Variants in CREBBP observed in about 807,000 individuals in gnomAD.
CREBBP encodes the protein CREB binding lysine acetyltransferase.
Under a neutral mutation model 265.0 loss-of-function variants are expected in CREBBP, and 19 were observed. That is an observed-to-expected ratio of 0.07 (90% CI 0.05 to 0.11). CREBBP has a LOEUF of 0.11. Among genes scored for constraint, CREBBP ranks in the 10% least tolerant of loss-of-function variants. The probability of loss-of-function intolerance (pLI) is 1.00; values close to 1 mark genes in which losing one functional copy is unlikely to be tolerated. For missense variants in CREBBP, 2,525 were observed against 3,219.0 expected (o/e 0.78, Z 5.22); for synonymous variants, 1,457 against 1,223.7 (o/e 1.19, Z -3.98).
At chr16:3,791,680 G>A (rs923758526) in intron 5 of CREBBP, among the ~76,000 whole-genome samples, 1 of 152,144 alleles carries the variant, frequency 6.6e-6, no homozygotes, top group African/African-American at 2.4e-5. Context: ...CCATGTCTTC[G>A]TGTTGGCTCA....
intron 3 of CREBBP, among the ~76,000 whole-genome samples, chr16:3,794,216 C>T (rs1370372343): frequency 6.6e-6 from 1 of 151,646 alleles, no homozygotes; most frequent in African/African-American, 2.4e-5. Flanking sequence ...CCTGTAGTCC[C>T]ACCTACTCGG....
intron 1 of CREBBP, among the ~76,000 whole-genome samples, chr16:3,859,739 G>C (rs1027900534): frequency 4.6e-5 from 7 of 152,208 alleles, no homozygotes; most frequent in African/African-American, 1.7e-4. Flanking sequence ...ACAGGGTTCA[G>C]AGAGCTTCCA....
intron 14 of CREBBP, among the ~76,000 whole-genome samples, chr16:3,770,346 T>G (rs1056750049): frequency 6.6e-6 from 1 of 152,012 alleles, no homozygotes; most frequent in South Asian, 2.1e-4. Flanking sequence ...CACACCACCA[T>G]GCTTGTCTGG....
chr16:3,736,931 A>C (rs2052076249), intron 26 of CREBBP, 116 bp from the exon 27 acceptor site: 13 of 1,274,214 alleles, frequency 1.0e-5, no homozygotes, highest in East Asian at 2.4e-5. Flanking sequence ...CCAGAGAGAG[A>C]GAATGAATGC....
intron 3 of CREBBP, among the ~76,000 whole-genome samples, chr16:3,800,741 C>A (rs1009489240): frequency 5.9e-5 from 9 of 152,014 alleles, no homozygotes; most frequent in Admixed American, 1.3e-4. Context: ...AAAACAAAAT[C>A]AAAAACATTG....
intron 1 of CREBBP, among the ~76,000 whole-genome samples, chr16:3,857,633 G>A (rs2141529860): frequency 6.6e-6 from 1 of 152,328 alleles, no homozygotes; most frequent in South Asian, 2.1e-4. Context: ...TCCCAGGTAA[G>A]CCCTCTTCTC....
intron 18 of CREBBP, 46 bp downstream of exon 18, chr16:3,757,763 G>T: frequency 6.2e-7 from 1 of 1,609,930 alleles, no homozygotes; most frequent in South Asian, 1.1e-5. Context: ...CCCTCTGGCT[G>T]GATTAACCAG....
At chr16:3,798,532 T>C (rs1430994351) in intron 3 of CREBBP, among the ~76,000 whole-genome samples, 1 of 152,210 alleles carries the variant, frequency 6.6e-6, no homozygotes, top group African/African-American at 2.4e-5. Flanking sequence ...AACAGTTATT[T>C]ATGCAAAGAA....
chr16:3,866,138 GA>G (rs1432628981), intron 1 of CREBBP, among the ~76,000 whole-genome samples: 1 of 152,152 alleles, frequency 6.6e-6, no homozygotes, highest in Non-Finnish European at 1.5e-5. Flanking sequence ...TAAAAGGCTA[GA>G]AAAGAAAAGG....
intron 5 of CREBBP, among the ~76,000 whole-genome samples, chr16:3,788,850 G>C (rs534428214): frequency 6.6e-6 from 1 of 152,294 alleles, no homozygotes; most frequent in South Asian, 2.1e-4. Context: ...TACTCAGGAG[G>C]CTGAAGTGGA....
At chr16:3,799,675 G>C (rs1409093226) in intron 3 of CREBBP, among the ~76,000 whole-genome samples, 1 of 152,086 alleles carries the variant, frequency 6.6e-6, no homozygotes, top group African/African-American at 2.4e-5. Context: ...ATTAAAGGTG[G>C]ACTAATTAAA....
At position 3,771,000 on chromosome 16, in the gene CREBBP, A is replaced by G. The variant is rs1412906178; in HGVS notation, c.2464-14T>C. On this transcript the variant is annotated splice_polypyrimidine_tract_variant and intron_variant, in intron 13 of 30. Transcript: ENST00000262367. ...AGGCACCTGTCCCTACCAGAAATGG[A>G]CAGAGTATGGTAAAATTATTTCCCC... 6.2e-7 allele frequency: 1 copy of G among 1,612,712 alleles called. No homozygotes were observed. The highest frequency in any genetic ancestry group is 2.2e-5 in the East Asian group (1 of 44,886).
intron 1 of CREBBP, among the ~76,000 whole-genome samples, chr16:3,858,533 T>C (rs1214868876): frequency 6.6e-6 from 1 of 152,232 alleles, no homozygotes; most frequent in Non-Finnish European, 1.5e-5. Context: ...GCAGGGATCC[T>C]GTCTTGCTTA....
chr16:3,774,811 A>C, intron 11 of CREBBP, 118 bp from the exon 12 acceptor site: 1 of 1,281,668 alleles, frequency 7.8e-7, no homozygotes, highest in Non-Finnish European at 1.1e-6. Context: ...CAGAAAACTG[A>C]AAAGAAATCA....
chr16:3,793,561 A>T lies in CREBBP; in HGVS notation c.1041T>A (p.Asp347Glu). ...GCTGTATCAGTTTGCGTTTTTCAGG[A>T]TCTGCAGTGGGGCCTGTTGCAATTG... ...TQAIATGPTADPEKRKLIQQQ... is the reference protein window; with the variant it reads ...TQAIATGPTAEPEKRKLIQQQ... Residue 347 changes from aspartate to glutamate, a missense_variant, in exon 4 of 31, where the codon GAT becomes GAA. Physicochemically the swap from Asp to Glu is conservative, Grantham distance 45. Coordinates refer to ENST00000262367, the MANE Select transcript of CREBBP (RefSeq NM_004380.3). 2 of 1,614,098 alleles carry T rather than the reference A, an allele frequency of 1.2e-6. No individual in the cohort carries two copies. The highest frequency in any genetic ancestry group is 2.2e-5 in the East Asian group (1 of 44,884).
At chr16:3,873,143 C>A (rs1465660698) in intron 1 of CREBBP, among the ~76,000 whole-genome samples, 3 of 152,166 alleles carry the variant, frequency 2.0e-5, no homozygotes, top group African/African-American at 4.8e-5. Context: ...TTAACAGGTA[C>A]CTCAAGATAA....
At chr16:3,835,387 C>T (rs1216980083) in intron 2 of CREBBP, among the ~76,000 whole-genome samples, 1 of 151,902 alleles carries the variant, frequency 6.6e-6, no homozygotes, top group Non-Finnish European at 1.5e-5. Flanking sequence ...CCTTACGTGG[C>T]AAGCCATATA....
chr16:3,747,916 C>T (rs1474048629), intron 21 of CREBBP, among the ~76,000 whole-genome samples: 2 of 151,966 alleles, frequency 1.3e-5, no homozygotes, highest in Non-Finnish European at 2.9e-5. Context: ...GGTGAAACCC[C>T]GTCTCTACTA....
intron 1 of CREBBP, among the ~76,000 whole-genome samples, chr16:3,862,526 T>G (rs2055098256): frequency 6.6e-6 from 1 of 152,208 alleles, no homozygotes. Context: ...TACTAGAGCT[T>G]AGAATTTGGG....
Sources: gnomAD v4.1 joint callset for allele counts (sites outside exome capture counted in the v4.1 genomes callset) on GRCh38, gnomAD v4.1.1 for gene constraint, MANE v1.5 for transcripts, NCBI Gene and HGNC (gene_info 2026-07-23, HGNC 2026-07-21) for gene names.